HSP90AA1: variants seen among roughly 807,000 people sequenced by gnomAD.
HSP90AA1 encodes heat shock protein HSP 90-alpha.
HSP90AA1 carries 18 observed loss-of-function variants against 73.3 expected under a neutral mutation model. The observed-to-expected ratio is 0.25, with a 90% CI of 0.17 to 0.36. The LOEUF (loss-of-function observed/expected upper bound fraction) is 0.36. Among genes scored for constraint, HSP90AA1 ranks in the 10% least tolerant of loss-of-function variants. The pLI is 1.00. For synonymous variants in HSP90AA1, 477 were observed against 296.9 expected, an observed-to-expected ratio of 1.61 and a Z score of -6.24; for missense variants, 704 against 874.2, an observed-to-expected ratio of 0.81 and a Z score of 2.45.
chr14:102,083,498 C>CAA (rs1566718582), intron 8 of HSP90AA1, 48 bp downstream of exon 8: 1 of 1,579,398 alleles, frequency 6.3e-7, no homozygotes, highest in Admixed American at 1.7e-5. Context: ...ACAGAGCCTA[C>CAA]AAGATTGTAA....
Position 102,109,311 on chromosome 14 carries a change from C to T in HSP90AA1, c.156-7226G>A, listed in dbSNP as rs1003023762. Among the ~76,000 whole-genome samples, 12 of 152,306 alleles carry T rather than the reference C, an allele frequency of 7.9e-5. No individual in the cohort carries two copies. In the East Asian group the frequency reaches 1.7e-3, roughly 22 times the overall value. On this transcript the variant is annotated intron_variant, in intron 1 of 11. Coordinates refer to the HSP90AA1 transcript ENST00000334701. Reference sequence around the variant, plus strand: ...AGTTCCAAGTTGAATATCCCTGATACGGTTTGGCTGTGTCCTCACCCAAAT... The same window carrying T: ...AGTTCCAAGTTGAATATCCCTGATATGGTTTGGCTGTGTCCTCACCCAAAT...
chr14:102,085,022 C>T (rs141819961), intron 4 of HSP90AA1, 24 bp from the exon 5 acceptor site: 2 of 1,613,916 alleles, frequency 1.2e-6, no homozygotes, highest in African/African-American at 1.3e-5. Flanking sequence ...CACGAAATCA[C>T]ATCACTGCTG....
chr14:102,130,182 G>C (rs1300324403), intron 1 of HSP90AA1, among the ~76,000 whole-genome samples: 1 of 152,024 alleles, frequency 6.6e-6, no homozygotes, highest in East Asian at 1.9e-4. Context: ...CGTTGGTGAG[G>C]CTGGTCTCGA....
chr14:102,083,509 G>C, intron 8 of HSP90AA1, 37 bp downstream of exon 8: 1 of 1,602,410 alleles, frequency 6.2e-7, no homozygotes, highest in Non-Finnish European at 8.5e-7. Context: ...AAGATTGTAA[G>C]AACGACGTGT....
rs957590364 is a variant in HSP90AA1, at chr14:102,105,698, G to T, written c.156-3613C>A. Among the ~76,000 whole-genome samples the T allele has an allele frequency of 3.9e-5, 6 of 152,304 alleles. No individual in the cohort carries two copies. The East Asian group carries it at 7.7e-4, about 20-fold the overall frequency. ...GTCCACAGGGAAGGTCATTCATTCT[G>T]AGATTTGTGTTTTAGGTAGATCTTC... On this transcript the variant is annotated intron_variant, in intron 1 of 11. Transcript: ENST00000334701.
chr14:102,092,073 A>ATT (rs1028963342), intron 2 of HSP90AA1, among the ~76,000 whole-genome samples: 1 of 142,372 alleles, frequency 7.0e-6, no homozygotes, highest in Non-Finnish European at 1.5e-5. Flanking sequence ...TTTGTTACTG[A>ATT]TTTTTTTTTT....
At chr14:102,085,050 A>G (rs1476585840) in intron 4 of HSP90AA1, 52 bp from the exon 5 acceptor site, 7 of 1,613,006 alleles carry the variant, frequency 4.3e-6, no homozygotes, top group Non-Finnish European at 5.9e-6. Context: ...GAACTAAGCG[A>G]CAGCGCTGCA....
intron 1 of HSP90AA1, among the ~76,000 whole-genome samples, chr14:102,124,898 CTAAA>C (rs1371661389): frequency 2.0e-4 from 31 of 152,292 alleles, no homozygotes; most frequent in African/African-American, 7.0e-4. Flanking sequence ...ATTCAATCCA[CTAAA>C]TAGTTATTGA....
Position 102,117,144 on chromosome 14 carries a change from G to T in HSP90AA1, c.156-15059C>A, listed in dbSNP as rs577110379. Among the ~76,000 whole-genome samples the T allele has an allele frequency of 1.1e-4, 17 of 152,308 alleles. No homozygotes were observed. In the South Asian group the frequency reaches 3.5e-3, roughly 32 times the overall value. On this transcript the variant is annotated intron_variant, in intron 1 of 11. Transcript: ENST00000334701. ...GAGGAGCATGGGAGAGACGCCAAGGGGGGTGCTAAGGGCAGCTCGGCACTG... is the reference window on the plus strand; with the variant it reads ...GAGGAGCATGGGAGAGACGCCAAGGTGGGTGCTAAGGGCAGCTCGGCACTG...
chr14:102,117,493 G>C (rs1414072314), intron 1 of HSP90AA1, among the ~76,000 whole-genome samples: 3 of 150,850 alleles, frequency 2.0e-5, no homozygotes, highest in Non-Finnish European at 4.4e-5. Flanking sequence ...TCCACGCTAG[G>C]AGCTAAACAC....
At chr14:102,081,856 T>C (rs756073736) in intron 10 of HSP90AA1, 35 bp from the exon 11 acceptor site, 22 of 1,022,802 alleles carry the variant, frequency 2.2e-5, no homozygotes, top group Non-Finnish European at 3.3e-5. Context: ...ATTACAAAGA[T>C]TTCTTAAAGC....
chr14:102,095,263 G>A (rs933976627), intron 2 of HSP90AA1, among the ~76,000 whole-genome samples: 1 of 152,186 alleles, frequency 6.6e-6, no homozygotes, highest in Admixed American at 6.5e-5. Flanking sequence ...GGATCTCAGA[G>A]GAAGAGAGGC....
In HSP90AA1 at chr14:102,082,999, A is replaced by T. The variant is rs552991306; in HGVS notation, c.1755+35T>A. 4 of 1,597,452 alleles carry T rather than the reference A, an allele frequency of 2.5e-6. No individual in the cohort carries two copies. The East Asian group carries it at 6.7e-5, about 27-fold the overall frequency. On this transcript the variant is annotated intron_variant, in intron 9 of 10. Coordinates refer to ENST00000216281, the MANE Select transcript of HSP90AA1 (RefSeq NM_005348.4). ...TGACTAAGCTTGAAAGCACCTTAGA[A>T]GTATCAATGATCAGGAAATGCTGTA...
upstream of HSP90AA1, chr14:102,087,097 G>T (rs746282501): frequency 1.0e-6 from 1 of 984,626 alleles, no homozygotes; most frequent in African/African-American, 1.8e-5. Context: ...CCCAGCGCGC[G>T]GCGCTTTTTC....
intron 1 of HSP90AA1, among the ~76,000 whole-genome samples, chr14:102,119,739 A>G (rs1194158085): frequency 6.6e-6 from 1 of 152,016 alleles, no homozygotes; most frequent in East Asian, 1.9e-4. Flanking sequence ...CGCCCGCCTC[A>G]GCCTCCTAAA....
chr14:102,082,647 G>C (rs2049125583), intron 9 of HSP90AA1: 2 of 592,656 alleles, frequency 3.4e-6, no homozygotes, highest in African/African-American at 3.7e-5. Context: ...TTGAGATAGA[G>C]TCTCGCTCCA....
In HSP90AA1 at chr14:102,081,465, C is replaced by T; in HGVS notation, c.*247G>A. 1.8e-6 allele frequency: 1 copy of T among 568,254 alleles called. No individual in the cohort carries two copies. The highest frequency in any genetic ancestry group is 3.1e-6 in the Non-Finnish European group (1 of 318,622). 35.2% of individuals were successfully genotyped at this position (568,254 alleles called of 1,614,324 possible). ...TTAACATCATGTTACATACGTCTTA[C>T]AGTGCACGTTACCCCAATCTGTGAA... On this transcript the variant is annotated 3_prime_UTR_variant, in exon 11 of 11. Coordinates refer to ENST00000216281, the MANE Select transcript of HSP90AA1 (RefSeq NM_005348.4).
upstream of HSP90AA1, among the ~76,000 whole-genome samples, chr14:102,089,388 C>T (rs2049322078): frequency 6.6e-6 from 1 of 152,202 alleles, no homozygotes; most frequent in Non-Finnish European, 1.5e-5. Flanking sequence ...TCTTGTCTTT[C>T]CAGCTCTCCC....
rs1049795723 is a variant in HSP90AA1 at position 102,081,396 on chromosome 14, A to G, written c.*316T>C. On this transcript the variant is annotated 3_prime_UTR_variant, in exon 11 of 11. Coordinates refer to ENST00000216281, the MANE Select transcript of HSP90AA1 (RefSeq NM_005348.4). ...ACACTTCAATAACAAGATTTGGTCT[A>G]CTTAGGCATCCGGCTTGACAGCTAA... The G allele has an allele frequency of 4.3e-6, 2 of 465,342 alleles. No individual in the cohort carries two copies. Among genetic ancestry groups the G allele is most frequent in the African/African-American group, 1.9e-5 (1 of 51,716 alleles). The allele number at this position is 465,342 out of a possible 1,614,324, so 28.8% of individuals were successfully genotyped here.
Sources: allele counts gnomAD v4.1 joint callset (sites outside exome capture counted in the v4.1 genomes callset), GRCh38; gene constraint gnomAD v4.1.1; transcripts MANE v1.5; gene names NCBI Gene and HGNC (gene_info 2026-07-23, HGNC 2026-07-21).